ROBO1: variants seen among roughly 807,000 people sequenced by gnomAD.
The protein encoded by ROBO1 is roundabout guidance receptor 1.
A neutral mutation model predicts 195.9 loss-of-function variants in ROBO1; 149 were observed. The observed-to-expected ratio is 0.76, with a 90% confidence interval of 0.67 to 0.87. ROBO1 has a LOEUF of 0.87. Ranked by LOEUF, ROBO1 falls within the 40% of genes least tolerant of loss-of-function variation. ROBO1 has a pLI of 0.00. For synonymous variants in ROBO1, 816 were observed against 733.2 expected (o/e 1.11, Z -1.82); for missense variants, 1,933 against 2,068.3 (o/e 0.93, Z 1.27).
chr3:79,335,895 T>C (rs937457446), intron 2 of ROBO1, among the ~76,000 whole-genome samples: 1 of 152,192 alleles, frequency 6.6e-6, no homozygotes, highest in African/African-American at 2.4e-5. Flanking sequence ...ATATGGACAA[T>C]GAAGTTCAGG....
chr3:78,983,824 T>C (rs78162201), intron 3 of ROBO1, among the ~76,000 whole-genome samples: 4,215 of 152,256 alleles, frequency 0.028, 191 homozygotes, highest in African/African-American at 0.096. Context: ...GGAGGGCGAC[T>C]GGAGTGGCAG....
chr3:79,593,256 C>T (rs1187012849), intron 1 of ROBO1, among the ~76,000 whole-genome samples: 1 of 152,056 alleles, frequency 6.6e-6, no homozygotes, highest in Non-Finnish European at 1.5e-5. Context: ...AAGTTTTAAA[C>T]ACATCTGGGT....
At chr3:78,691,604 G>A (rs2081177226) in intron 8 of ROBO1, among the ~76,000 whole-genome samples, 1 of 152,134 alleles carries the variant, frequency 6.6e-6, no homozygotes, top group African/African-American at 2.4e-5. Flanking sequence ...TTATTTGCTA[G>A]CTGTAGAGTT....
intron 3 of ROBO1, among the ~76,000 whole-genome samples, chr3:78,965,428 C>G (rs956515456): frequency 6.6e-6 from 1 of 151,884 alleles, no homozygotes; most frequent in Non-Finnish European, 1.5e-5. Flanking sequence ...CATCTTTAAG[C>G]CTGTTTTATA....
chr3:79,459,958 G>A lies in ROBO1; in HGVS notation c.88+129866C>T, dbSNP rs369329053. ...TTGAATAAAGCTGCATTAGTAGTAA[G>A]CTTAGGATTTTATAATTTTTCTTTG... On this transcript the variant is annotated intron_variant, in intron 2 of 30. Coordinates refer to ENST00000464233, the MANE Select transcript of ROBO1 (RefSeq NM_002941.4). Among the ~76,000 whole-genome samples, 208 of 152,148 alleles carry A rather than the reference G, an allele frequency of 1.4e-3. 1 individual carries two copies. The highest frequency in any genetic ancestry group is 4.7e-3 in the African/African-American group (196 of 41,544).
intron 2 of ROBO1, among the ~76,000 whole-genome samples, chr3:79,145,413 A>G (rs2080628561): frequency 1.3e-5 from 2 of 151,364 alleles, no homozygotes; most frequent in South Asian, 4.2e-4. Context: ...ACAGACATAA[A>G]TAACAGTCAT....
At chr3:79,344,687 G>GGTTT (rs2035041334) in intron 2 of ROBO1, among the ~76,000 whole-genome samples, 1 of 152,012 alleles carries the variant, frequency 6.6e-6, no homozygotes, top group Non-Finnish European at 1.5e-5. Context: ...GAGGAAGGCT[G>GGTTT]TAAAAATGCA....
intron 1 of ROBO1, among the ~76,000 whole-genome samples, chr3:79,743,808 G>A (rs941660170): frequency 6.6e-6 from 1 of 152,016 alleles, no homozygotes; most frequent in Non-Finnish European, 1.5e-5. Flanking sequence ...TCCAGGATCC[G>A]GGTCATCAAT....
intron 2 of ROBO1, among the ~76,000 whole-genome samples, chr3:79,457,310 T>C (rs1474495425): frequency 6.6e-6 from 1 of 152,154 alleles, no homozygotes; most frequent in Non-Finnish European, 1.5e-5. Context: ...CTGTTATTAG[T>C]TATAAATGTT....
intron 2 of ROBO1, among the ~76,000 whole-genome samples, chr3:79,136,898 TAAAG>T (rs1257329486): frequency 2.6e-5 from 4 of 151,984 alleles, no homozygotes; most frequent in African/African-American, 4.8e-5. Flanking sequence ...GTGATGCAAA[TAAAG>T]AAATATATTT....
At chr3:78,981,895 A>G (rs927983761) in intron 3 of ROBO1, among the ~76,000 whole-genome samples, 3 of 152,034 alleles carry the variant, frequency 2.0e-5, no homozygotes, top group Non-Finnish European at 4.4e-5. Context: ...TCCCAATGAA[A>G]TCCAACTGTC....
chr3:78,774,362 G>A (rs77748676), intron 4 of ROBO1, among the ~76,000 whole-genome samples: 37,669 of 151,232 alleles, frequency 0.25, 4,829 homozygotes, highest in Non-Finnish European at 0.27. Flanking sequence ...CCAGGCTTGA[G>A]GGCAGTGGCC....
chr3:78,869,128 T>G (rs553982333), intron 4 of ROBO1, among the ~76,000 whole-genome samples: 111 of 152,258 alleles, frequency 7.3e-4, no homozygotes, highest in Middle Eastern at 3.4e-3. Flanking sequence ...CAACAAACAA[T>G]TCAATGAAAT....
chr3:79,642,086 T>TA (rs1231504888), intron 1 of ROBO1, among the ~76,000 whole-genome samples: 2 of 152,032 alleles, frequency 1.3e-5, no homozygotes, highest in Non-Finnish European at 2.9e-5. Flanking sequence ...GAAATAATAA[T>TA]AAAAAATCAA....
At chr3:79,183,700 T>C (rs906684729) in intron 2 of ROBO1, among the ~76,000 whole-genome samples, 12 of 152,346 alleles carry the variant, frequency 7.9e-5, no homozygotes, top group Admixed American at 2.6e-4. Context: ...AGTCGGTTAG[T>C]GGCAGAGTCT....
At chr3:78,650,737 T>C (rs1706592907) in intron 19 of ROBO1, among the ~76,000 whole-genome samples, 1 of 152,234 alleles carries the variant, frequency 6.6e-6, no homozygotes, top group South Asian at 2.1e-4. Context: ...AAAGCAAAGC[T>C]GTTGCATTCG....
chr3:79,277,991 T>A (rs1240154999), intron 2 of ROBO1, among the ~76,000 whole-genome samples: 2 of 151,924 alleles, frequency 1.3e-5, no homozygotes, highest in Non-Finnish European at 2.9e-5. Context: ...ATAAAATTAA[T>A]AATCAAAAAT....
intron 3 of ROBO1, 149 bp from the exon 4 acceptor site, chr3:78,939,076 T>C (rs2039980149): frequency 1.4e-6 from 1 of 708,536 alleles, no homozygotes; most frequent in African/African-American, 1.8e-5. Context: ...CTTTCTGGTG[T>C]CCGCCTTGAC....
At chr3:79,498,726 C>T (rs1350634410) in intron 2 of ROBO1, among the ~76,000 whole-genome samples, 2 of 151,572 alleles carry the variant, frequency 1.3e-5, no homozygotes, top group East Asian at 2.0e-4. Context: ...TGGAGGTGGG[C>T]GCCTGTAATC....
Sources: allele counts gnomAD v4.1 joint callset (sites outside exome capture counted in the v4.1 genomes callset), GRCh38; gene constraint gnomAD v4.1.1; transcripts MANE v1.5; gene names NCBI Gene and HGNC (gene_info 2026-07-23, HGNC 2026-07-21).